The following ACBD4 variants were observed in gnomAD, a reference collection of about 807,000 sequenced individuals.
The protein encoded by ACBD4 is acyl-CoA binding domain containing 4, also known as acyl-CoA-binding domain-containing protein 4.
In ACBD4, 41 loss-of-function variants were observed where a neutral mutation model predicts 46.0. That is an observed-to-expected ratio of 0.89 (90% confidence interval 0.69 to 1.16). The LOEUF is 1.16. ACBD4 is among the 50% of genes most tolerant of loss of function. The pLI is 0.00. For missense variants in ACBD4, 393 were observed against 399.5 expected, an observed-to-expected ratio of 0.98 and a Z score of 0.14; for synonymous variants, 162 against 155.9, an observed-to-expected ratio of 1.04 and a Z score of -0.29.
At position 45,143,979 on chromosome 17, in the gene ACBD4, T is replaced by G. The variant is rs1598110368; in HGVS notation, c.*408T>G. The G allele has an allele frequency of 2.5e-5, 5 of 199,994 alleles. No homozygotes were observed. The South Asian group carries it at 4.6e-4, about 18-fold the overall frequency. 12.4% of individuals were successfully genotyped at this position (199,994 alleles called of 1,614,324 possible). On this transcript the variant is annotated 3_prime_UTR_variant, in exon 10 of 10. Coordinates refer to ENST00000321854, the MANE Select transcript of ACBD4 (RefSeq NM_001135705.3). ...TTGGGCCGGGGCCTGGAAGAATGAT[T>G]GGCTGGGAGGCCGCGGGAGGGAGGC...
At position 45,139,002 on chromosome 17, in the gene ACBD4, GTGTGTC is replaced by G; in HGVS notation, c.650-14_650-9del. On this transcript the variant is annotated splice_polypyrimidine_tract_variant and intron_variant, in intron 8 of 9. Transcript: ENST00000321854. ...AATTGCCTCCTGAGCCCCCTTCCCT[GTGTGTC>G]TGTGCTCCGCAGAGGGGTTGCGGGG... The G allele has an allele frequency of 1.2e-6, 2 of 1,611,724 alleles. No individual in the cohort carries two copies. The highest frequency in any genetic ancestry group is 3.3e-5 in the Admixed American group (2 of 59,996).
At chr17:45,136,820 G>A (rs2054873673) in intron 4 of ACBD4, 44 bp downstream of exon 4, 1 of 1,610,420 alleles carries the variant, frequency 6.2e-7, no homozygotes, top group Admixed American at 1.7e-5. Context: ...TGGCCAGGTG[G>A]CCTCACCCTT....
At chr17:45,139,857 T>A (rs1462756510) in intron 9 of ACBD4, among the ~76,000 whole-genome samples, 1 of 152,212 alleles carries the variant, frequency 6.6e-6, no homozygotes, top group Non-Finnish European at 1.5e-5. Flanking sequence ...CAGAAAGCCT[T>A]CTCCAGTCGG....
chr17:45,132,238 C>G (rs760794046), upstream of ACBD4: 1 of 1,269,018 alleles, frequency 7.9e-7, no homozygotes, highest in Non-Finnish European at 9.9e-7. This position sits in a 1 kb window ranked among gnomAD's most constrained non-coding sequence, Gnocchi z 4.6. Context: ...GCCCCTTGCC[C>G]GTCACTGACC....
At position 45,139,043 on chromosome 17, in the gene ACBD4, G is replaced by T; in HGVS notation, c.672G>T (p.Pro224=). 6.2e-7 allele frequency: 1 copy of T among 1,613,490 alleles called. No homozygotes were observed. Residue 224 remains proline (P), a synonymous_variant, in exon 9 of 10, where the codon CCG becomes CCT. Coordinates refer to ENST00000321854, the MANE Select transcript of ACBD4 (RefSeq NM_001135705.3). The stretch of plus-strand genomic sequence containing the variant: ...CAGAGGGGTTGCGGGGCAGCCCGCC[G>T]GGGCCCCAGGAGTTGGACGTGTGGC... ...TKKEGLRGSP[P]GPQELDVWLL...
intron 2 of ACBD4, 125 bp from the exon 3 acceptor site, chr17:45,136,375 C>G (rs372421100): frequency 3.4e-6 from 5 of 1,457,458 alleles, no homozygotes; most frequent in Admixed American, 3.6e-5. Flanking sequence ...GCTTCCTATC[C>G]TAGTCCAGAT....
At chr17:45,133,222 T>C (rs1258517364), upstream of ACBD4, 1 of 152,222 alleles carries the variant, frequency 6.6e-6, no homozygotes, top group Non-Finnish European at 1.5e-5. Flanking sequence ...GTGTGCAGGT[T>C]CTGGTGGCCG....
At position 45,136,221 on chromosome 17, in the gene ACBD4, T is replaced by C; in HGVS notation, c.77T>C (p.Leu26Pro). 2.5e-6 allele frequency: 4 copies of C among 1,613,444 alleles called. 1 individual carries two copies. The Middle Eastern group carries it at 6.6e-4, about 266-fold the overall frequency. ...GCTGCAGTGAGCGTCATCCAGAACCTGCCCAAGAACGGTGAGGCTGCGGGG... is the reference window on the plus strand; with the variant it reads ...GCTGCAGTGAGCGTCATCCAGAACCCGCCCAAGAACGGTGAGGCTGCGGGG... ...FQAAVSVIQN[L>P]PKNGSYRPSY... Residue 26 changes from leucine (L) to proline (P), a missense_variant, in exon 2 of 10, where the codon CTG becomes CCG. Leu to Pro is a moderately conservative substitution (Grantham distance 98). Transcript: ENST00000321854.
chr17:45,134,634 G>A (rs2054675678), upstream of ACBD4, among the ~76,000 whole-genome samples: 1 of 151,990 alleles, frequency 6.6e-6, no homozygotes, highest in Admixed American at 6.6e-5. Context: ...AAAATTAGCT[G>A]GGCGTGGTGG....
chr17:45,140,081 C>A (rs967314162), intron 9 of ACBD4, among the ~76,000 whole-genome samples: 1 of 152,146 alleles, frequency 6.6e-6, no homozygotes, highest in Non-Finnish European at 1.5e-5. Context: ...AGGTGTGAGC[C>A]CACAGCAGCA....
chr17:45,136,874 A>C (rs1248172552), intron 4 of ACBD4, 98 bp downstream of exon 4: 9 of 1,579,444 alleles, frequency 5.7e-6, no homozygotes, highest in African/African-American at 5.4e-5. Flanking sequence ...GGACCCCCTC[A>C]TGGGAATCAC....
chr17:45,137,301 G>A, intron 5 of ACBD4, 67 bp from the exon 6 acceptor site: 1 of 1,604,640 alleles, frequency 6.2e-7, no homozygotes, highest in Non-Finnish European at 8.5e-7. Context: ...TCACGAGTAG[G>A]GGCTTGATCA....
rs754872454 is a variant in ACBD4 at position 45,136,579 on chromosome 17, C to T, written c.168C>T (p.Val56=). 1 of 1,613,936 alleles carries T rather than the reference C, an allele frequency of 6.2e-7. No homozygotes were observed. Residue 56 remains valine (V), a synonymous_variant, in exon 3 of 10, where the codon GTC becomes GTT. Coordinates refer to ENST00000321854, the MANE Select transcript of ACBD4 (RefSeq NM_001135705.3). Reference sequence around the variant, plus strand: ...AGGCCACCATGGGGCCCTGCCTGGTCCCCCGGCCCGGGTTCTGGGACCCCA... The same window carrying T: ...AGGCCACCATGGGGCCCTGCCTGGTTCCCCGGCCCGGGTTCTGGGACCCCA... ...YKQATMGPCL[V]PRPGFWDPIG... is the part of the protein sequence containing the mutation.
At position 45,143,842 on chromosome 17, in the gene ACBD4, C is replaced by G. The variant is rs1282657644; in HGVS notation, c.*271C>G. The G allele has an allele frequency of 1.9e-6, 1 of 523,882 alleles. No homozygotes were observed. Among genetic ancestry groups the G allele is most frequent in the Non-Finnish European group, 3.3e-6 (1 of 299,952 alleles). The allele number at this position is 523,882 out of a possible 1,614,324, so 32.5% of individuals were successfully genotyped here. A position where few individuals can be genotyped will look rare whatever the true frequency, so the allele number is the denominator to read the frequency against. ...CCCCGGTGCTGGGTTGGCCGTGACT[C>G]GGGGGCGGGGCGATCGGGTCTCAGC... On this transcript the variant is annotated 3_prime_UTR_variant, in exon 10 of 10. Coordinates refer to ENST00000321854, the MANE Select transcript of ACBD4 (RefSeq NM_001135705.3).
intron 9 of ACBD4, among the ~76,000 whole-genome samples, chr17:45,139,964 C>T (rs2055159820): frequency 1.3e-5 from 2 of 152,264 alleles, no homozygotes; most frequent in South Asian, 4.1e-4. Context: ...CCACCATTAA[C>T]TCTGAGTGGG....
At chr17:45,136,871 C>T in intron 4 of ACBD4, 95 bp downstream of exon 4, 15 of 1,582,244 alleles carry the variant, frequency 9.5e-6, no homozygotes, top group Non-Finnish European at 1.3e-5. Context: ...CATGGACCCC[C>T]TCATGGGAAT....
At chr17:45,132,424 G>T (rs1342895072), upstream of ACBD4, 3 of 1,202,840 alleles carry the variant, frequency 2.5e-6, no homozygotes, top group Non-Finnish European at 3.1e-6. This position sits in a 1 kb window ranked among gnomAD's most constrained non-coding sequence, Gnocchi z 4.6. Flanking sequence ...TTGGCGGGGG[G>T]CCGGGGCCGG....
chr17:45,138,519 G>A (rs1160648426), intron 8 of ACBD4: 9 of 184,568 alleles, frequency 4.9e-5, no homozygotes, highest in Admixed American at 4.3e-4. Flanking sequence ...GGCCGGGCAC[G>A]ATGGCTCACG....
chr17:45,132,716 T>C (rs535001643), upstream of ACBD4: 230 of 187,898 alleles, frequency 1.2e-3, no homozygotes, highest in South Asian at 9.3e-3. This position sits in a 1 kb window ranked among gnomAD's most constrained non-coding sequence, Gnocchi z 4.6. Flanking sequence ...GCCGCAAGGG[T>C]GACTAGAGCC....
Sources: gnomAD v4.1 joint callset for allele counts (sites outside exome capture counted in the v4.1 genomes callset) on GRCh38, gnomAD v4.1.1 for gene constraint, Gnocchi (gnomAD v3.1) non-coding constraint, MANE v1.5 for transcripts, NCBI Gene and HGNC (gene_info 2026-07-23, HGNC 2026-07-21) for gene names.